The following USP36 variants were observed in gnomAD, a reference collection of about 807,000 sequenced individuals.
USP36 encodes the protein ubiquitin specific peptidase 36.
In USP36, 59 loss-of-function variants were observed where a neutral mutation model predicts 111.5. The ratio of observed to expected loss-of-function variants is 0.53; its 90% CI spans 0.43 to 0.66. USP36 has a LOEUF of 0.66. Ranked by LOEUF, USP36 falls within the 30% of genes least tolerant of loss-of-function variation. The pLI, the probability that USP36 is intolerant of heterozygous loss-of-function variation, is 0.00. For missense variants in USP36, 1,488 were observed against 1,468.0 expected (o/e 1.01, Z -0.22); for synonymous variants, 628 against 581.0 (o/e 1.08, Z -1.16).
chr17:78,838,372 A>C (rs80312300), intron 2 of USP36, among the ~76,000 whole-genome samples: 3 of 122,364 alleles, frequency 2.5e-5, no homozygotes, highest in Admixed American at 1.7e-4. Context: ...ACTTGGTCTC[A>C]AAAAAAAAAA....
intron 3 of USP36, 37 bp from the exon 4 acceptor site, chr17:78,835,538 A>G (rs1331741396): frequency 3.9e-5 from 61 of 1,553,388 alleles, no homozygotes; most frequent in Non-Finnish European, 5.3e-5. Context: ...AAAGAGGAAG[A>G]CGTAAGTCCA....
chr17:78,830,562 T>C (rs2067991464), intron 4 of USP36, among the ~76,000 whole-genome samples: 1 of 152,234 alleles, frequency 6.6e-6, no homozygotes, highest in Non-Finnish European at 1.5e-5. Flanking sequence ...CGCCTTCAAA[T>C]CTGCTAGATA....
Position 78,836,187 on chromosome 17 carries a change from T to C in USP36, c.177A>G (p.Lys59=). 6.2e-7 allele frequency: 1 copy of C among 1,614,142 alleles called. No individual in the cohort carries two copies. The highest frequency in any genetic ancestry group is 8.5e-7 in the Non-Finnish European group (1 of 1,180,046). Reference sequence around the variant, plus strand: ...CTGTTTTGGGGTTGAGCAACACATATTTGCTCTTTAAGGCCTCCAGCTGGT... The same window carrying C: ...CTGTTTTGGGGTTGAGCAACACATACTTGCTCTTTAAGGCCTCCAGCTGGT... ...FSYQLEALKS[K]YVLLNPKTEG... Residue 59 remains lysine, a synonymous_variant, in exon 3 of 21, where the codon AAA becomes AAG. Transcript: ENST00000449938.
intron 5 of USP36, 46 bp from the exon 6 acceptor site, chr17:78,827,393 C>A (rs1223294094): frequency 6.4e-7 from 1 of 1,561,946 alleles, no homozygotes; most frequent in Non-Finnish European, 8.7e-7. Context: ...GTCTTCTCAT[C>A]AAACGGCCTG....
intron 6 of USP36, 99 bp downstream of exon 6, chr17:78,827,146 A>C (rs778154235): frequency 7.5e-7 from 1 of 1,338,874 alleles, no homozygotes; most frequent in South Asian, 1.3e-5. Flanking sequence ...CAGCCTGGGT[A>C]GAAAGGTGCC....
At chr17:78,827,889 C>G (rs560840283) in intron 5 of USP36, among the ~76,000 whole-genome samples, 4 of 151,948 alleles carry the variant, frequency 2.6e-5, no homozygotes, top group African/African-American at 9.7e-5. Context: ...CCAGCCTGGG[C>G]AATAGAGCAA....
At chr17:78,840,925 T>C (rs1224475311), upstream of USP36, 3 of 152,220 alleles carry the variant, frequency 2.0e-5, no homozygotes, top group Non-Finnish European at 4.4e-5. Context: ...GAGGCGGGGC[T>C]AGATTCCGCT....
downstream of USP36, among the ~76,000 whole-genome samples, chr17:78,794,221 T>A (rs956301310): frequency 8.5e-5 from 13 of 152,242 alleles, no homozygotes; most frequent in Non-Finnish European, 1.6e-4. Context: ...CACCTGCTGT[T>A]CTCTGCACTC....
At chr17:78,790,451 C>T (rs955241538) in intron 3 of USP36, among the ~76,000 whole-genome samples, 16 of 152,164 alleles carry the variant, frequency 1.1e-4, no homozygotes, top group African/African-American at 3.9e-4. Flanking sequence ...CCACGAGGCC[C>T]GGCTAATTTT....
chr17:78,825,457 TC>T (rs2067450245), intron 6 of USP36, among the ~76,000 whole-genome samples: 1 of 152,124 alleles, frequency 6.6e-6, no homozygotes, highest in Admixed American at 6.5e-5. Context: ...GAAAGCTCCC[TC>T]ATGGACCGAC....
At chr17:78,806,382 C>T in intron 14 of USP36, 96 bp from the exon 15 acceptor site, 1 of 1,520,954 alleles carries the variant, frequency 6.6e-7, no homozygotes, top group South Asian at 1.2e-5. Flanking sequence ...AAAATAAAAA[C>T]AAAAGAGCCC....
chr17:78,828,770 CA>C (rs1259352828), intron 5 of USP36, 126 bp downstream of exon 5: 2 of 926,106 alleles, frequency 2.2e-6, no homozygotes, highest in Non-Finnish European at 3.2e-6. Context: ...TTTGGCAGGC[CA>C]AAACGGAAGG....
intron 7 of USP36, chr17:78,821,397 TATATATATATATATATA>T (rs2094317752): frequency 2.1e-5 from 1 of 48,604 alleles, no homozygotes; most frequent in African/African-American, 1.0e-4. Flanking sequence ...AATATATATA[TATATATATATATATATA>T]TATATATTTT....
In USP36 at chr17:78,813,267, A is replaced by AAC. The variant is rs575627873; in HGVS notation, c.1266-267_1266-266insGT. The stretch of plus-strand genomic sequence containing the variant: ...ATCAGAGTTCAATGCACCAGAAAGC[A>AAC]AGAACCTCAAACACCTCAGCCACAC... On this transcript the variant is annotated intron_variant, in intron 12 of 20. Transcript: ENST00000449938. Among the ~76,000 whole-genome samples the AAC allele has an allele frequency of 3.7e-3, 433 of 115,504 alleles. 1 individual carries two copies. The highest frequency in any genetic ancestry group is 0.012 in the African/African-American group (413 of 34,256). 75.8% of individuals were successfully genotyped at this position (115,504 alleles called of 152,430 possible).
intron 4 of USP36, among the ~76,000 whole-genome samples, chr17:78,834,077 T>C (rs2145624907): frequency 6.6e-6 from 1 of 152,148 alleles, no homozygotes; most frequent in Non-Finnish European, 1.5e-5. Context: ...TAAAACCCCA[T>C]CTCTACTAAA....
At chr17:78,789,429 G>A (rs932409549) in intron 3 of USP36, among the ~76,000 whole-genome samples, 1 of 152,006 alleles carries the variant, frequency 6.6e-6, no homozygotes, top group African/African-American at 2.4e-5. Context: ...TGAATAAATA[G>A]AAGACAGAGG....
At chr17:78,808,791 C>T (rs535550662) in intron 13 of USP36, among the ~76,000 whole-genome samples, 66 of 151,978 alleles carry the variant, frequency 4.3e-4, no homozygotes, top group Non-Finnish European at 7.4e-4. Flanking sequence ...AGGCTGTACC[C>T]GTTATCTCTC....
downstream of USP36, among the ~76,000 whole-genome samples, chr17:78,791,710 G>A (rs2093585955): frequency 6.6e-6 from 1 of 152,156 alleles, no homozygotes; most frequent in African/African-American, 2.4e-5. Flanking sequence ...GGGGGGATCT[G>A]GATCACAAAA....
At chr17:78,828,364 T>C (rs1268802462) in intron 5 of USP36, among the ~76,000 whole-genome samples, 1 of 152,200 alleles carries the variant, frequency 6.6e-6, no homozygotes, top group African/African-American at 2.4e-5. Context: ...GAATGAGACT[T>C]TTTTATAGCA....
Sources: allele counts gnomAD v4.1 joint callset (sites outside exome capture counted in the v4.1 genomes callset), GRCh38; gene constraint gnomAD v4.1.1; transcripts MANE v1.5; gene names NCBI Gene and HGNC (gene_info 2026-07-23, HGNC 2026-07-21).